ATXN10: variants seen among roughly 807,000 people sequenced by gnomAD.
ATXN10 encodes the protein ataxin 10.
ATXN10 carries 28 observed loss-of-function variants against 52.9 expected under a neutral mutation model. That is an observed-to-expected ratio of 0.53 (90% confidence interval 0.39 to 0.73). The LOEUF (loss-of-function observed/expected upper bound fraction) is 0.73. Ranked by LOEUF, ATXN10 falls within the 30% of genes least tolerant of loss-of-function variation. ATXN10 has a pLI of 0.00. For missense variants in ATXN10, 565 were observed against 577.0 expected (o/e 0.98, Z 0.21); for synonymous variants, 226 against 221.5 (o/e 1.02, Z -0.18).
At position 45,690,488 on chromosome 22, in the gene ATXN10, T is replaced by A. The variant is rs1404171330; in HGVS notation, c.308+585T>A. ...ATGTTTTGAGGTATTTGGTTCTTCATAGTGTTTTGAAGCTGATTTTGAGTC... is the reference window on the plus strand; with the variant it reads ...ATGTTTTGAGGTATTTGGTTCTTCAAAGTGTTTTGAAGCTGATTTTGAGTC... On this transcript the variant is annotated intron_variant, in intron 2 of 11. Coordinates refer to ENST00000252934, the MANE Select transcript of ATXN10 (RefSeq NM_013236.4). This position sits in a 1 kb window ranked among gnomAD's most constrained non-coding sequence, Gnocchi z 4.5. Among the ~76,000 whole-genome samples the A allele has an allele frequency of 6.6e-6, 1 of 152,216 alleles. No homozygotes were observed. The highest frequency in any genetic ancestry group is 2.4e-5 in the African/African-American group (1 of 41,452).
chr22:45,813,736 AAATGT>A (rs1420272667), intron 10 of ATXN10, among the ~76,000 whole-genome samples: 1 of 152,154 alleles, frequency 6.6e-6, no homozygotes, highest in Non-Finnish European at 1.5e-5. Flanking sequence ...AGTGAGTGTG[AAATGT>A]TATCATGCCT....
rs1473180368 is a variant in ATXN10 at position 45,744,748 on chromosome 22, T to C, written c.1173+4210T>C. ...GACAGGCACTGGACTGCCAGGAGCA[T>C]GGTATCAACTGGAAGGATGGTCATC... On this transcript the variant is annotated intron_variant, in intron 9 of 11. Coordinates refer to ENST00000252934, the MANE Select transcript of ATXN10 (RefSeq NM_013236.4). The surrounding 1 kb of genome is among the most constrained non-coding windows in gnomAD (Gnocchi z 4.9). 1 of 152,224 alleles carries C rather than the reference T, an allele frequency of 6.6e-6. No homozygotes were observed. Among genetic ancestry groups the C allele is most frequent in the Non-Finnish European group, 1.5e-5 (1 of 68,040 alleles). 9.4% of individuals were successfully genotyped at this position (152,224 alleles called of 1,614,324 possible).
chr22:45,758,276 G>C (rs1029789440), intron 9 of ATXN10, among the ~76,000 whole-genome samples: 1 of 152,226 alleles, frequency 6.6e-6, no homozygotes, highest in East Asian at 1.9e-4. Context: ...GAAAGCATAG[G>C]TACTTGACAG....
rs1003459479 is a variant in ATXN10, at chr22:45,775,530, GTC to G, written c.1174-31426_1174-31425del. Among the ~76,000 whole-genome samples the G allele has an allele frequency of 3.3e-5, 5 of 152,190 alleles. No individual in the cohort carries two copies. Among genetic ancestry groups the G allele is most frequent in the African/African-American group, 1.2e-4 (5 of 41,444 alleles). Reference sequence around the variant, plus strand: ...GGTTCAGAAATAGTTATTCTGTAGTGTCTCAGTTTTATTAAAATGCAGTTAAT... The same window carrying G: ...GGTTCAGAAATAGTTATTCTGTAGTGTCAGTTTTATTAAAATGCAGTTAAT... On this transcript the variant is annotated intron_variant, in intron 9 of 11. Transcript: ENST00000252934. This position sits in a 1 kb window ranked among gnomAD's most constrained non-coding sequence, Gnocchi z 4.7.
rs1926684773 is a variant in ATXN10 at position 45,769,056 on chromosome 22, G to T, written c.1173+28518G>T. Among the ~76,000 whole-genome samples, 1 of 152,004 alleles carries T rather than the reference G, an allele frequency of 6.6e-6. No homozygotes were observed. The highest frequency in any genetic ancestry group is 2.1e-4 in the South Asian group (1 of 4,808). On this transcript the variant is annotated intron_variant, in intron 9 of 11. Transcript: ENST00000252934. The surrounding 1 kb of genome is among the most constrained non-coding windows in gnomAD (Gnocchi z 4.2). ...ACAGATGAAACAAGTTGACAACATG[G>T]TGGTTTCTGAAGCCGAATGTTGGGT...
chr22:45,836,567 G>A (rs540832750), intron 10 of ATXN10, among the ~76,000 whole-genome samples: 2 of 152,156 alleles, frequency 1.3e-5, no homozygotes, highest in East Asian at 3.9e-4. Context: ...TTTCCTCTCA[G>A]TAAGAAAGTT....
intron 5 of ATXN10, among the ~76,000 whole-genome samples, chr22:45,709,453 C>T (rs1172196375): frequency 1.3e-5 from 2 of 152,140 alleles, no homozygotes; most frequent in African/African-American, 4.8e-5. Context: ...CACGGTGAAT[C>T]CAGGGCTGAA....
chr22:45,686,003 C>T, intron 1 of ATXN10, among the ~76,000 whole-genome samples: 1 of 152,220 alleles, frequency 6.6e-6, no homozygotes, highest in East Asian at 1.9e-4. Flanking sequence ...TGCTTAACAG[C>T]AGTCATAAAA....
intron 9 of ATXN10, among the ~76,000 whole-genome samples, chr22:45,752,207 T>C (rs1265284520): frequency 1.3e-5 from 2 of 152,196 alleles, no homozygotes; most frequent in East Asian, 3.9e-4. Context: ...CCATATGCTG[T>C]GTACCAGCCA....
intron 9 of ATXN10, among the ~76,000 whole-genome samples, chr22:45,779,045 T>A (rs1366603884): frequency 6.6e-6 from 1 of 152,080 alleles, no homozygotes; most frequent in East Asian, 1.9e-4. Context: ...TGGACTGAGT[T>A]TTTCCAGGCT....
At chr22:45,761,838 G>A (rs1426462661) in intron 9 of ATXN10, among the ~76,000 whole-genome samples, 1 of 151,956 alleles carries the variant, frequency 6.6e-6, no homozygotes, top group African/African-American at 2.4e-5. Context: ...TTAAAATGTT[G>A]GCTAAAACAG....
chr22:45,803,799 G>A (rs1041957638), intron 9 of ATXN10, among the ~76,000 whole-genome samples: 1 of 152,074 alleles, frequency 6.6e-6, no homozygotes, highest in Admixed American at 6.6e-5. Context: ...AGGAGAAGTG[G>A]GGGTGTGAGG....
intron 9 of ATXN10, among the ~76,000 whole-genome samples, chr22:45,752,208 G>A (rs60993540): frequency 0.017 from 2,544 of 152,240 alleles, 82 homozygotes; most frequent in African/African-American, 0.059. Context: ...CATATGCTGT[G>A]TACCAGCCAG....
chr22:45,686,409 T>C (rs1443783439), intron 1 of ATXN10, among the ~76,000 whole-genome samples: 2 of 152,184 alleles, frequency 1.3e-5, no homozygotes, highest in Admixed American at 6.5e-5. Flanking sequence ...ATAAATCTTA[T>C]CTGATGTGGA....
chr22:45,709,445 CG>C (rs1358125302), intron 5 of ATXN10, among the ~76,000 whole-genome samples: 9 of 152,148 alleles, frequency 5.9e-5, no homozygotes. Flanking sequence ...GGTGAAGGCA[CG>C]GTGAATCCAG....
Position 45,756,135 on chromosome 22 carries a change from T to C in ATXN10, c.1173+15597T>C, listed in dbSNP as rs146929092. Among the ~76,000 whole-genome samples, 1,468 of 152,010 alleles carry C rather than the reference T, an allele frequency of 9.7e-3. 22 individuals are homozygous for C. Among genetic ancestry groups the C allele is most frequent in the African/African-American group, 0.034 (1,394 of 41,530 alleles). On this transcript the variant is annotated intron_variant, in intron 9 of 11. Transcript: ENST00000252934. ...ATTAAGTTTAAAATGGAATTCTCTT[T>C]GTTTACCTAGACTTTTTTTTTTTTT... is the stretch of plus-strand genomic sequence containing the variant.
At chr22:45,811,809 C>G (rs1463660738) in intron 10 of ATXN10, 3 of 470,332 alleles carry the variant, frequency 6.4e-6, no homozygotes, top group Non-Finnish European at 1.3e-5. Flanking sequence ...TTTTGATTCC[C>G]CATTCATTCA....
At chr22:45,685,737 A>C (rs1923111030) in intron 1 of ATXN10, among the ~76,000 whole-genome samples, 1 of 152,176 alleles carries the variant, frequency 6.6e-6, no homozygotes, top group Non-Finnish European at 1.5e-5. Flanking sequence ...TACTGAATAA[A>C]AGCTTCTTTG....
At chr22:45,798,705 C>T (rs1927831479) in intron 9 of ATXN10, among the ~76,000 whole-genome samples, 1 of 152,062 alleles carries the variant, frequency 6.6e-6, no homozygotes, top group African/African-American at 2.4e-5. Flanking sequence ...CAGATGCATG[C>T]AGGTTGGAAA....
Sources: allele counts gnomAD v4.1 joint callset (sites outside exome capture counted in the v4.1 genomes callset), GRCh38; gene constraint gnomAD v4.1.1; non-coding constraint Gnocchi (gnomAD v3.1); transcripts MANE v1.5; gene names NCBI Gene and HGNC (gene_info 2026-07-23, HGNC 2026-07-21).